Variants in MDGA2 observed in about 807,000 individuals in gnomAD.
MDGA2 encodes the protein MAM domain-containing glycosylphosphatidylinositol anchor protein 2.
In MDGA2, 40 loss-of-function variants were observed where a neutral mutation model predicts 117.8. The ratio of observed to expected loss-of-function variants is 0.34; its 90% CI spans 0.26 to 0.44. MDGA2 has a LOEUF of 0.44. Ranked by LOEUF, MDGA2 falls within the 20% of genes least tolerant of loss-of-function variation. The pLI is 1.00. For synonymous variants in MDGA2, 452 were observed against 439.0 expected (o/e 1.03, Z -0.37); for missense variants, 1,123 against 1,250.6 (o/e 0.90, Z 1.54).
intron 1 of MDGA2, among the ~76,000 whole-genome samples, chr14:47,542,342 C>G (rs1485318990): frequency 6.6e-6 from 1 of 152,184 alleles, no homozygotes; most frequent in Non-Finnish European, 1.5e-5. Context: ...ATATTCTACT[C>G]ACAATATCTT....
intron 1 of MDGA2, among the ~76,000 whole-genome samples, chr14:47,495,782 A>G (rs1008817860): frequency 3.9e-5 from 6 of 152,244 alleles, no homozygotes; most frequent in Non-Finnish European, 7.3e-5. Flanking sequence ...GAAAGAAATT[A>G]TCATTGCTTC....
intron 4 of MDGA2, among the ~76,000 whole-genome samples, chr14:47,142,176 G>A (rs1594664113): frequency 1.3e-5 from 2 of 152,148 alleles, no homozygotes; most frequent in Admixed American, 6.5e-5. Flanking sequence ...GGGCACGGTG[G>A]CTCACACCTG....
intron 1 of MDGA2, among the ~76,000 whole-genome samples, chr14:47,474,539 G>A (rs531619246): frequency 1.3e-5 from 2 of 152,010 alleles, no homozygotes; most frequent in East Asian, 3.9e-4. Context: ...ACAATCCTAA[G>A]CAAAAAGAAC....
intron 2 of MDGA2, among the ~76,000 whole-genome samples, chr14:47,255,331 A>G (rs1887582889): frequency 6.6e-6 from 1 of 152,198 alleles, no homozygotes; most frequent in South Asian, 2.1e-4. Flanking sequence ...CCAGGGAGTC[A>G]CGGGAGATGA....
At chr14:47,049,194 A>G (rs547459527) in intron 7 of MDGA2, among the ~76,000 whole-genome samples, 2 of 152,194 alleles carry the variant, frequency 1.3e-5, no homozygotes, top group African/African-American at 2.4e-5. Context: ...AGACATCGAC[A>G]TTTAAACTGC....
intron 1 of MDGA2, among the ~76,000 whole-genome samples, chr14:47,564,223 A>G (rs1352670372): frequency 1.3e-5 from 2 of 151,976 alleles, no homozygotes; most frequent in African/African-American, 2.4e-5. Context: ...TCTGATGACT[A>G]TATGTCTTGG....
In MDGA2 at chr14:46,946,592, T is replaced by C. The variant is rs578218911; in HGVS notation, c.2089+10782A>G. On this transcript the variant is annotated intron_variant, in intron 9 of 16. Coordinates refer to ENST00000399232, the MANE Select transcript of MDGA2 (RefSeq NM_001113498.3). ...ATAAATGGACTGATGTTTGCTCCTA[T>C]GGAACATACATTATGATGTGGATGT... Among the ~76,000 whole-genome samples, 12 of 152,200 alleles carry C rather than the reference T, an allele frequency of 7.9e-5. 1 individual carries two copies. Among genetic ancestry groups the C allele is most frequent in the Admixed American group, 6.6e-4 (10 of 15,244 alleles).
At chr14:47,453,495 C>T (rs1893282808) in intron 1 of MDGA2, among the ~76,000 whole-genome samples, 1 of 152,064 alleles carries the variant, frequency 6.6e-6, no homozygotes. Flanking sequence ...ATAATCATCT[C>T]CCTCACATAG....
intron 5 of MDGA2, among the ~76,000 whole-genome samples, chr14:47,118,974 G>GGATTGCT (rs1881479911): frequency 6.6e-6 from 1 of 151,766 alleles, no homozygotes; most frequent in African/African-American, 2.4e-5. Context: ...CCAGCCTTGA[G>GGATTGCT]CAATCCTCCT....
intron 9 of MDGA2, among the ~76,000 whole-genome samples, chr14:46,951,981 T>C (rs1319389801): frequency 6.6e-6 from 1 of 151,976 alleles, no homozygotes; most frequent in Non-Finnish European, 1.5e-5. Flanking sequence ...ATCATCTATC[T>C]TTTGAAATTA....
rs1481075372 is a variant in MDGA2 at position 47,160,045 on chromosome 14, G to T, written c.596-15771C>A. Among the ~76,000 whole-genome samples, 3 of 152,054 alleles carry T rather than the reference G, an allele frequency of 2.0e-5. No individual in the cohort carries two copies. In the East Asian group the frequency reaches 5.8e-4, roughly 29 times the overall value. On this transcript the variant is annotated intron_variant, in intron 3 of 16. Transcript: ENST00000399232. ...CATCCAGAACCGAATTTTGAATGTT[G>T]TGTCACTTCGAGGTCTAATTTTATT...
At chr14:47,107,120 C>A (rs1880744666) in intron 5 of MDGA2, among the ~76,000 whole-genome samples, 2 of 148,728 alleles carry the variant, frequency 1.3e-5, no homozygotes, top group South Asian at 4.2e-4. Context: ...ACCGATCATG[C>A]ACCCCTTACC....
At chr14:47,471,361 A>T (rs1019470326) in intron 1 of MDGA2, among the ~76,000 whole-genome samples, 1 of 151,680 alleles carries the variant, frequency 6.6e-6, no homozygotes, top group South Asian at 2.1e-4. Context: ...CTTGACATTT[A>T]AAAAACAGCA....
At chr14:47,113,462 A>C (rs1881156771) in intron 5 of MDGA2, among the ~76,000 whole-genome samples, 1 of 152,192 alleles carries the variant, frequency 6.6e-6, no homozygotes, top group Non-Finnish European at 1.5e-5. Context: ...ACAATAAAAA[A>C]AGGAAACTGC....
At chr14:47,086,437 G>A (rs1376444081) in intron 6 of MDGA2, among the ~76,000 whole-genome samples, 1 of 151,866 alleles carries the variant, frequency 6.6e-6, no homozygotes, top group Non-Finnish European at 1.5e-5. Context: ...AGAAAAACAC[G>A]GCAAACAGAA....
intron 1 of MDGA2, among the ~76,000 whole-genome samples, chr14:47,625,319 A>C (rs911601142): frequency 6.6e-6 from 1 of 152,144 alleles, no homozygotes; most frequent in East Asian, 1.9e-4. Context: ...ACAAAAAAAA[A>C]AGTATGTCAT....
At chr14:47,092,140 G>C (rs1879695277) in intron 6 of MDGA2, among the ~76,000 whole-genome samples, 1 of 152,126 alleles carries the variant, frequency 6.6e-6, no homozygotes, top group African/African-American at 2.4e-5. Context: ...AATCAACCAG[G>C]AGTGATACAT....
At chr14:47,283,797 TAATA>T (rs1269789166) in intron 2 of MDGA2, among the ~76,000 whole-genome samples, 1 of 152,198 alleles carries the variant, frequency 6.6e-6, no homozygotes, top group African/African-American at 2.4e-5. Flanking sequence ...ATAGTCGTTT[TAATA>T]AATAAACAGC....
intron 1 of MDGA2, among the ~76,000 whole-genome samples, chr14:47,612,254 A>C (rs181060494): frequency 6.8e-4 from 103 of 151,392 alleles, no homozygotes; most frequent in South Asian, 6.5e-3. Context: ...ATAGATAGAT[A>C]GATCTTCTGT....
Sources: gnomAD v4.1 joint callset for allele counts (sites outside exome capture counted in the v4.1 genomes callset) on GRCh38, gnomAD v4.1.1 for gene constraint, MANE v1.5 for transcripts, NCBI Gene and HGNC (gene_info 2026-07-23, HGNC 2026-07-21) for gene names.